Variants in ADCY3 observed in about 807,000 individuals in gnomAD.
ADCY3 encodes adenylate cyclase type 3.
ADCY3 carries 70 observed loss-of-function variants against 119.4 expected under a neutral mutation model. The observed-to-expected ratio is 0.59, with a 90% CI of 0.48 to 0.72. ADCY3 has a LOEUF of 0.72. ADCY3 is among the 30% of genes least tolerant of loss of function. The pLI is 0.00. For missense variants in ADCY3, 1,238 were observed against 1,541.6 expected, an observed-to-expected ratio of 0.80 and a Z score of 3.30; for synonymous variants, 672 against 621.4, an observed-to-expected ratio of 1.08 and a Z score of -1.21.
At chr2:24,895,308 C>T (rs751821840) in intron 2 of ADCY3, among the ~76,000 whole-genome samples, 2 of 151,710 alleles carry the variant, frequency 1.3e-5, no homozygotes, top group Non-Finnish European at 2.9e-5. Flanking sequence ...TCGATGGTCT[C>T]GATCTCTTGA....
intron 3 of ADCY3, among the ~76,000 whole-genome samples, chr2:24,865,606 G>A (rs1674195038): frequency 6.6e-6 from 1 of 151,792 alleles, no homozygotes; most frequent in African/African-American, 2.4e-5. Flanking sequence ...GATGGGGGCT[G>A]GATGGCTAGG....
chr2:24,824,202 TAA>T lies in ADCY3; in HGVS notation c.2736+174_2736+175del, dbSNP rs1399054415. On this transcript the variant is annotated intron_variant, in intron 17 of 21. Coordinates refer to ENST00000679454, the MANE Select transcript of ADCY3 (RefSeq NM_004036.5). ...ACGATGCCTACAGCAGTGCACTTTA[TAA>T]GAGGCCGGAGAAATTCCTCTTTTGC... Among the ~76,000 whole-genome samples the T allele has an allele frequency of 2.6e-5, 4 of 152,272 alleles. No individual in the cohort carries two copies. In the East Asian group the frequency reaches 7.7e-4, roughly 29 times the overall value.
At chr2:24,866,989 G>A (rs977790898) in intron 3 of ADCY3, among the ~76,000 whole-genome samples, 3 of 152,296 alleles carry the variant, frequency 2.0e-5, no homozygotes, top group East Asian at 1.9e-4. Flanking sequence ...GGAAAGGAGC[G>A]AATGGGAAGA....
chr2:24,839,677 AG>A (rs1292346338), intron 7 of ADCY3, among the ~76,000 whole-genome samples, 195 bp downstream of exon 7: 1 of 152,164 alleles, frequency 6.6e-6, no homozygotes, highest in Non-Finnish European at 1.5e-5. Flanking sequence ...AGGCCCAAAG[AG>A]GCCTCACCCC....
chr2:24,896,729 T>C (rs1344948174), intron 2 of ADCY3, among the ~76,000 whole-genome samples: 2 of 152,136 alleles, frequency 1.3e-5, no homozygotes, highest in African/African-American at 4.8e-5. Context: ...GAGGCCTCTA[T>C]CGAGATTTCT....
intron 3 of ADCY3, among the ~76,000 whole-genome samples, chr2:24,846,901 T>G (rs931034746): frequency 6.6e-6 from 1 of 152,196 alleles, no homozygotes; most frequent in South Asian, 2.1e-4. Context: ...TTTTACAGGC[T>G]CATAGGCAGA....
rs1400143773 is a variant in ADCY3, at chr2:24,898,914, C to T, written c.675+19399G>A. The stretch of plus-strand genomic sequence containing the variant: ...AGAACTCCAGCGCGGACGCCAAGCA[C>T]GACCACGGCAGGTGACCTGCCCTCC... On this transcript the variant is annotated intron_variant, in intron 2 of 21. Transcript: ENST00000679454. This position sits in a 1 kb window ranked among gnomAD's most constrained non-coding sequence, Gnocchi z 4.3. Among the ~76,000 whole-genome samples, 3 of 152,170 alleles carry T rather than the reference C, an allele frequency of 2.0e-5. No individual in the cohort carries two copies. The highest frequency in any genetic ancestry group is 2.9e-5 in the Non-Finnish European group (2 of 68,028).
intron 2 of ADCY3, among the ~76,000 whole-genome samples, chr2:24,891,741 G>A (rs1028424737): frequency 5.3e-5 from 8 of 152,182 alleles, no homozygotes; most frequent in Non-Finnish European, 1.2e-4. Context: ...ACAGTGCATA[G>A]TAAAGGGCTT....
chr2:24,897,960 G>C (rs1199302555), intron 2 of ADCY3, among the ~76,000 whole-genome samples: 5 of 152,178 alleles, frequency 3.3e-5, no homozygotes, highest in African/African-American at 4.8e-5. Flanking sequence ...TCAACTGCCT[G>C]CTCCAAAGCT....
chr2:24,880,577 T>C (rs2033653), intron 2 of ADCY3, among the ~76,000 whole-genome samples: 81,587 of 152,176 alleles, frequency 0.54, 24,487 homozygotes, highest in African/African-American at 0.82. Flanking sequence ...ATATTTCAAA[T>C]GTAAGCATAT....
chr2:24,852,222 C>A (rs1364218388), intron 3 of ADCY3, among the ~76,000 whole-genome samples: 1 of 152,158 alleles, frequency 6.6e-6, no homozygotes, highest in Non-Finnish European at 1.5e-5. Flanking sequence ...CTTGCAACAG[C>A]CTCTGATGTG....
chr2:24,893,758 C>T (rs920825126), intron 2 of ADCY3, among the ~76,000 whole-genome samples: 28 of 151,814 alleles, frequency 1.8e-4, no homozygotes, highest in African/African-American at 5.8e-4. Flanking sequence ...CAGGCACACA[C>T]CACTACTCCT....
intron 2 of ADCY3, among the ~76,000 whole-genome samples, chr2:24,876,479 A>G (rs1675726612): frequency 6.6e-6 from 1 of 152,242 alleles, no homozygotes; most frequent in Admixed American, 6.5e-5. Flanking sequence ...TAAGCTAATA[A>G]GATTCAGAAA....
intron 2 of ADCY3, among the ~76,000 whole-genome samples, chr2:24,912,890 G>C (rs1475199476): frequency 6.6e-6 from 1 of 152,206 alleles, no homozygotes; most frequent in African/African-American, 2.4e-5. Flanking sequence ...CTGCGACAGG[G>C]AAAGGATGGA....
chr2:24,842,374 A>G lies in ADCY3; in HGVS notation c.836T>C (p.Met279Thr). Reference protein sequence around the residue: ...EEQSQQQENLMLSILPKHVAD... With the variant: ...EEQSQQQENLTLSILPKHVAD... ...CACGTGCTTGGGCAGGATGGAAAGC[A>G]TGAGGTTCTCCTGTGAGGGGCAGGA... The change falls in exon 4 of 22, where the codon ATG becomes ACG. Residue 279 changes from methionine (M) to threonine (T), a missense_variant. This residue lies in a region of ADCY3 where 283 missense variants were observed against 437.2 expected (regional missense o/e 0.65). Transcript: ENST00000679454. This position sits in a 1 kb window ranked among gnomAD's most constrained non-coding sequence, Gnocchi z 4.9. 6.2e-7 allele frequency: 1 copy of G among 1,614,146 alleles called. No individual in the cohort carries two copies.
chr2:24,904,571 AG>A (rs1679261248), intron 2 of ADCY3, among the ~76,000 whole-genome samples: 1 of 152,184 alleles, frequency 6.6e-6, no homozygotes, highest in South Asian at 2.1e-4. Flanking sequence ...GTCTCTGTGG[AG>A]AACTTCATGT....
At chr2:24,888,846 T>G (rs1428579296) in intron 2 of ADCY3, among the ~76,000 whole-genome samples, 4 of 152,180 alleles carry the variant, frequency 2.6e-5, no homozygotes, top group Non-Finnish European at 5.9e-5. Context: ...CCGTCTCTAC[T>G]GAAAATACAA....
intron 3 of ADCY3, among the ~76,000 whole-genome samples, chr2:24,846,739 C>A (rs1006576113): frequency 6.6e-6 from 1 of 152,034 alleles, no homozygotes; most frequent in East Asian, 1.9e-4. Flanking sequence ...CCCCCATGCC[C>A]GGCTAATTTT....
intron 3 of ADCY3, among the ~76,000 whole-genome samples, chr2:24,854,506 T>A (rs1478577613): frequency 1.3e-5 from 2 of 152,210 alleles, no homozygotes; most frequent in Non-Finnish European, 2.9e-5. Context: ...AAGGAGAACT[T>A]CTCAGAAGAT....
Sources: gnomAD v4.1 joint callset for allele counts (sites outside exome capture counted in the v4.1 genomes callset) on GRCh38, gnomAD v4.1.1 for gene constraint, gnomAD v4.1.1 regional missense constraint, Gnocchi (gnomAD v3.1) non-coding constraint, MANE v1.5 for transcripts, NCBI Gene and HGNC (gene_info 2026-07-23, HGNC 2026-07-21) for gene names.